The following GLIS1 variants were observed in gnomAD, a reference collection of about 807,000 sequenced individuals.
The protein encoded by GLIS1 is zinc finger protein GLIS1.
GLIS1 carries 24 observed loss-of-function variants against 63.8 expected under a neutral mutation model. The observed-to-expected ratio is 0.38, with a 90% confidence interval of 0.27 to 0.53. GLIS1 has a LOEUF of 0.53. GLIS1 is among the 20% of genes least tolerant of loss of function. The pLI is 0.85. For missense variants in GLIS1, 1,036 were observed against 1,074.1 expected, an observed-to-expected ratio of 0.96 and a Z score of 0.50; for synonymous variants, 450 against 482.5, an observed-to-expected ratio of 0.93 and a Z score of 0.88.
chr1:53,719,359 TG>T (rs1646730575), intron 2 of GLIS1, among the ~76,000 whole-genome samples: 1 of 152,100 alleles, frequency 6.6e-6, no homozygotes, highest in South Asian at 2.1e-4. Context: ...CCACCTGGCA[TG>T]GGGGGCAGAA....
chr1:53,735,853 G>A (rs922759067), intron 2 of GLIS1, among the ~76,000 whole-genome samples: 7 of 152,024 alleles, frequency 4.6e-5, no homozygotes, highest in African/African-American at 1.2e-4. Context: ...GGTTTGTCTC[G>A]GGCCACTTGG....
chr1:53,650,046 T>A (rs1444609872), intron 2 of GLIS1, among the ~76,000 whole-genome samples: 3 of 152,058 alleles, frequency 2.0e-5, no homozygotes, highest in Non-Finnish European at 4.4e-5. Flanking sequence ...GAAACAAAAT[T>A]GAGTAAAGTG....
chr1:53,722,709 C>T (rs952919187), intron 2 of GLIS1, among the ~76,000 whole-genome samples: 1 of 151,408 alleles, frequency 6.6e-6, no homozygotes, highest in African/African-American at 2.4e-5. Context: ...TGGCGTGTGC[C>T]TGCAGTCCCA....
chr1:53,523,969 G>A (rs200218106), intron 6 of GLIS1, among the ~76,000 whole-genome samples: 298 of 152,266 alleles, frequency 2.0e-3, no homozygotes, highest in Non-Finnish European at 2.6e-3. Flanking sequence ...AGTCACTCTG[G>A]GGAGCGTTCT....
rs199563958 is a variant in GLIS1 at position 53,524,784 on chromosome 1, C to T, written c.1586G>A (p.Arg529His). 69 of 1,612,562 alleles carry T rather than the reference C, an allele frequency of 4.3e-5. No homozygotes were observed. The East Asian group carries it at 6.9e-4, about 16-fold the overall frequency. Residue 529 changes from arginine to histidine, a missense_variant, in exon 6 of 11, where the codon CGT becomes CAT. Arg to His is a conservative substitution (Grantham distance 29). This residue lies in a region of GLIS1 where 400 missense variants were observed against 400.9 expected (regional missense o/e 1.00). Coordinates refer to ENST00000628545, the MANE Select transcript of GLIS1 (RefSeq NM_001367484.1). ...TGAGGAGGGCTGGCTTACCTTCTTA[C>T]GCACCTGCTGCTCTTTGGCTGAATG... ...KAHSAKEQQV[R>H]KKLHAGPDTE...
chr1:53,556,369 G>A (rs1392088141), intron 4 of GLIS1, among the ~76,000 whole-genome samples: 1 of 143,128 alleles, frequency 7.0e-6, no homozygotes, highest in Non-Finnish European at 1.5e-5. Flanking sequence ...ATGCAGATGT[G>A]TCTGTGCAGG....
In GLIS1 at chr1:53,520,630, G is replaced by A. The variant is rs780861026; in HGVS notation, c.1726+4C>T. On this transcript the variant is annotated splice_donor_region_variant and intron_variant, in intron 7 of 10. Coordinates refer to ENST00000628545, the MANE Select transcript of GLIS1 (RefSeq NM_001367484.1). The stretch of plus-strand genomic sequence containing the variant: ...CCCCTGGCCCTGCCTCCCCGCACAC[G>A]TACCTGGGAGCAGCTCCTGGCCCAG... 8.1e-6 allele frequency: 13 copies of A among 1,604,522 alleles called. No individual in the cohort carries two copies. The highest frequency in any genetic ancestry group is 2.7e-5 in the African/African-American group (2 of 74,724).
intron 2 of GLIS1, among the ~76,000 whole-genome samples, chr1:53,703,042 C>T (rs570096523): frequency 7.2e-5 from 11 of 152,354 alleles, no homozygotes; most frequent in Admixed American, 2.0e-4. Flanking sequence ...CTCTGCCACT[C>T]GCCAGCATGG....
chr1:53,691,433 G>A (rs17109114), intron 2 of GLIS1, among the ~76,000 whole-genome samples: 12,243 of 152,128 alleles, frequency 0.08, 677 homozygotes, highest in Non-Finnish European at 0.12. Flanking sequence ...TCAGAATCCT[G>A]GGCCCACTCT....
At chr1:53,544,308 C>A (rs565763580) in intron 4 of GLIS1, among the ~76,000 whole-genome samples, 1 of 152,120 alleles carries the variant, frequency 6.6e-6, no homozygotes, top group Admixed American at 6.5e-5. Context: ...GAGAGGAGCC[C>A]GCAACTCTGC....
intron 2 of GLIS1, among the ~76,000 whole-genome samples, chr1:53,650,433 C>T (rs1278549974): frequency 6.6e-6 from 1 of 152,016 alleles, no homozygotes; most frequent in Non-Finnish European, 1.5e-5. Flanking sequence ...CTACTAAAAA[C>T]ACAAAAATTA....
At chr1:53,568,085 C>T (rs1386844301) in intron 4 of GLIS1, among the ~76,000 whole-genome samples, 1 of 152,246 alleles carries the variant, frequency 6.6e-6, no homozygotes, top group Non-Finnish European at 1.5e-5. Context: ...AGGTACTCAA[C>T]ACCAGCTCAT....
chr1:53,513,372 C>G (rs563241016), intron 8 of GLIS1, among the ~76,000 whole-genome samples: 1 of 152,294 alleles, frequency 6.6e-6, no homozygotes, highest in South Asian at 2.1e-4. Context: ...CTCTTCAGGT[C>G]GAGTCTCATC....
intron 2 of GLIS1, among the ~76,000 whole-genome samples, chr1:53,726,323 C>T (rs866162368): frequency 6.6e-6 from 1 of 152,076 alleles, no homozygotes; most frequent in African/African-American, 2.4e-5. Flanking sequence ...TTCTCATCTG[C>T]AAAATAAGGA....
intron 2 of GLIS1, among the ~76,000 whole-genome samples, chr1:53,728,285 T>C (rs145516707): frequency 1.6e-4 from 25 of 152,300 alleles, no homozygotes; most frequent in African/African-American, 5.3e-4. Context: ...GGGAAAGCCC[T>C]TCCTAGAGGT....
rs1644236048 is a variant in GLIS1 at position 53,506,671 on chromosome 1, C to T, written c.2336G>A (p.Gly779Glu). ...GTGGCCCAGGCAGTGGTCAAAGGCTCCATTGGGGAAGAAGCCACAGTCCTC... is the reference window on the plus strand; with the variant it reads ...GTGGCCCAGGCAGTGGTCAAAGGCTTCATTGGGGAAGAAGCCACAGTCCTC... ...GPEDCGFFPNGAFDHCLGHIP... is the reference protein window; with the variant it reads ...GPEDCGFFPNEAFDHCLGHIP... Residue 779 changes from glycine (G) to glutamate (E), a missense_variant, in exon 11 of 11, where the codon GGA becomes GAA. Transcript: ENST00000628545. 1 of 1,613,560 alleles carries T rather than the reference C, an allele frequency of 6.2e-7. No homozygotes were observed. The highest frequency in any genetic ancestry group is 8.5e-7 in the Non-Finnish European group (1 of 1,179,994).
chr1:53,610,339 A>G (rs1034524774), intron 2 of GLIS1, among the ~76,000 whole-genome samples: 4 of 152,220 alleles, frequency 2.6e-5, no homozygotes, highest in Admixed American at 6.5e-5. Context: ...AAATTTTTAA[A>G]AATTGTAAGC....
intron 2 of GLIS1, among the ~76,000 whole-genome samples, chr1:53,716,219 T>C (rs1417265341): frequency 1.3e-5 from 2 of 152,096 alleles, no homozygotes; most frequent in South Asian, 2.1e-4. Context: ...TCTAGCACCA[T>C]TTGACAGACA....
At chr1:53,687,659 G>T (rs1324282747) in intron 2 of GLIS1, among the ~76,000 whole-genome samples, 1 of 152,168 alleles carries the variant, frequency 6.6e-6, no homozygotes, top group African/African-American at 2.4e-5. Context: ...CCAGGTCAGA[G>T]CCCCCGCCGC....
Sources: allele counts gnomAD v4.1 joint callset (sites outside exome capture counted in the v4.1 genomes callset), GRCh38; gene constraint gnomAD v4.1.1; regional missense constraint gnomAD v4.1.1; transcripts MANE v1.5; gene names NCBI Gene and HGNC (gene_info 2026-07-23, HGNC 2026-07-21).